Variants in SYNDIG1 observed in about 807,000 individuals in gnomAD.
The protein encoded by SYNDIG1 is synapse differentiation-inducing gene protein 1.
Under a neutral mutation model 19.4 loss-of-function variants are expected in SYNDIG1, and 9 were observed. The ratio of observed to expected loss-of-function variants is 0.46; its 90% confidence interval spans 0.28 to 0.81. The LOEUF (loss-of-function observed/expected upper bound fraction) is 0.81. SYNDIG1 is among the 30% of genes least tolerant of loss of function. SYNDIG1 has a pLI of 0.12. For synonymous variants in SYNDIG1, 141 were observed against 145.9 expected, an observed-to-expected ratio of 0.97 and a Z score of 0.24; for missense variants, 311 against 343.3, an observed-to-expected ratio of 0.91 and a Z score of 0.74.
chr20:24,473,933 T>C (rs2055544617), intron 1 of SYNDIG1, among the ~76,000 whole-genome samples: 1 of 152,166 alleles, frequency 6.6e-6, no homozygotes, highest in African/African-American at 2.4e-5. Flanking sequence ...ATCATTCAAC[T>C]AGCAAGCAGC....
chr20:24,557,104 C>T (rs961453702), intron 2 of SYNDIG1, among the ~76,000 whole-genome samples: 1 of 152,198 alleles, frequency 6.6e-6, no homozygotes, highest in African/African-American at 2.4e-5. Flanking sequence ...GCATCAGCTC[C>T]TGAGGCTTCT....
chr20:24,489,492 T>G (rs1046432584), intron 1 of SYNDIG1, among the ~76,000 whole-genome samples: 1 of 146,190 alleles, frequency 6.8e-6, no homozygotes, highest in African/African-American at 2.6e-5. Context: ...CACAGACACA[T>G]GGACACATAG....
intron 1 of SYNDIG1, chr20:24,491,471 A>G (rs2056145975): frequency 6.6e-6 from 1 of 152,256 alleles, no homozygotes; most frequent in African/African-American, 2.4e-5. Context: ...CCTGATTCTG[A>G]CAGCGCAGGG....
intron 3 of SYNDIG1, among the ~76,000 whole-genome samples, chr20:24,662,428 A>T (rs1171211229): frequency 2.6e-5 from 4 of 152,128 alleles, no homozygotes; most frequent in African/African-American, 9.7e-5. Flanking sequence ...GCAGGAGCTC[A>T]GTGCCTGGTG....
chr20:24,542,204 A>T (rs553543628), intron 1 of SYNDIG1, among the ~76,000 whole-genome samples: 2 of 152,328 alleles, frequency 1.3e-5, no homozygotes, highest in African/African-American at 2.4e-5. Context: ...TTGTTCTTTT[A>T]AAAAAATAAA....
At chr20:24,662,004 C>T (rs560941095) in intron 3 of SYNDIG1, among the ~76,000 whole-genome samples, 7 of 152,140 alleles carry the variant, frequency 4.6e-5, no homozygotes, top group East Asian at 1.9e-4. Context: ...TTTCTCATCA[C>T]GAAGCCATGA....
intron 3 of SYNDIG1, among the ~76,000 whole-genome samples, chr20:24,621,670 A>G (rs1041007773): frequency 8.5e-5 from 13 of 152,066 alleles, no homozygotes; most frequent in East Asian, 1.9e-4. Context: ...CAGGCCAACT[A>G]TGCACTCCAA....
chr20:24,535,747 GA>G (rs1164814314), intron 1 of SYNDIG1, among the ~76,000 whole-genome samples: 1 of 152,190 alleles, frequency 6.6e-6, no homozygotes, highest in Non-Finnish European at 1.5e-5. Flanking sequence ...TGATCTCGCA[GA>G]AGTGTTTTTT....
At chr20:24,566,680 A>G (rs1600643910) in intron 2 of SYNDIG1, among the ~76,000 whole-genome samples, 1 of 152,166 alleles carries the variant, frequency 6.6e-6, no homozygotes, top group East Asian at 1.9e-4. Context: ...GTTTGGGAGC[A>G]CTGAGTTCCC....
intron 1 of SYNDIG1, among the ~76,000 whole-genome samples, chr20:24,510,349 A>T (rs918538124): frequency 6.6e-6 from 1 of 151,572 alleles, no homozygotes; most frequent in Non-Finnish European, 1.5e-5. Context: ...CGGGCAGATC[A>T]CCTGAGGTCA....
chr20:24,496,977 TAG>T (rs2056319551), intron 1 of SYNDIG1, among the ~76,000 whole-genome samples: 1 of 152,216 alleles, frequency 6.6e-6, no homozygotes, highest in African/African-American at 2.4e-5. Flanking sequence ...GTAGGCTTAT[TAG>T]AGTTTTATAT....
At chr20:24,503,846 C>A (rs972176524) in intron 1 of SYNDIG1, among the ~76,000 whole-genome samples, 1 of 152,124 alleles carries the variant, frequency 6.6e-6, no homozygotes, top group African/African-American at 2.4e-5. Context: ...CCACCCCCAG[C>A]GCCTACTGCA....
chr20:24,641,826 T>A (rs2059379923), intron 3 of SYNDIG1, among the ~76,000 whole-genome samples: 1 of 152,186 alleles, frequency 6.6e-6, no homozygotes, highest in South Asian at 2.1e-4. Context: ...GTTTTTAAAG[T>A]CAACTTTTTA....
At chr20:24,660,927 C>A (rs1028164673) in intron 3 of SYNDIG1, among the ~76,000 whole-genome samples, 3 of 152,248 alleles carry the variant, frequency 2.0e-5, no homozygotes, top group Admixed American at 6.5e-5. Context: ...CTTTCAGAGT[C>A]TCCAGGTAGG....
chr20:24,640,807 A>G (rs1027337151), intron 3 of SYNDIG1, among the ~76,000 whole-genome samples: 1 of 152,156 alleles, frequency 6.6e-6, no homozygotes, highest in Admixed American at 6.5e-5. Flanking sequence ...AGAGGCACCA[A>G]ACTAGCAACC....
At chr20:24,652,693 ACT>A (rs1196367612) in intron 3 of SYNDIG1, among the ~76,000 whole-genome samples, 2 of 150,432 alleles carry the variant, frequency 1.3e-5, no homozygotes, top group East Asian at 4.0e-4. Flanking sequence ...ACCTGCCCTG[ACT>A]CTGTTGGAGG....
intron 3 of SYNDIG1, among the ~76,000 whole-genome samples, chr20:24,643,243 A>C (rs1179863303): frequency 6.6e-6 from 1 of 152,152 alleles, no homozygotes; most frequent in Non-Finnish European, 1.5e-5. Flanking sequence ...TCCACTATCC[A>C]CTTACTTAAT....
chr20:24,506,459 G>T (rs1668300631), intron 1 of SYNDIG1, among the ~76,000 whole-genome samples: 1 of 152,214 alleles, frequency 6.6e-6, no homozygotes, highest in African/African-American at 2.4e-5. Flanking sequence ...TCCCCCTGGT[G>T]CCACCACAGC....
At chr20:24,663,708 T>A (rs1297561426) in intron 3 of SYNDIG1, among the ~76,000 whole-genome samples, 2 of 151,944 alleles carry the variant, frequency 1.3e-5, no homozygotes, top group Admixed American at 6.6e-5. Context: ...CCCACAGGGG[T>A]CAGGGAATGA....
Sources: allele counts gnomAD v4.1 joint callset (sites outside exome capture counted in the v4.1 genomes callset), GRCh38; gene constraint gnomAD v4.1.1; transcripts MANE v1.5; gene names NCBI Gene and HGNC (gene_info 2026-07-23, HGNC 2026-07-21).